Variants in ATF7IP2 observed in about 807,000 individuals in gnomAD.
The protein encoded by ATF7IP2 is activating transcription factor 7 interacting protein 2.
In ATF7IP2, 42 loss-of-function variants were observed where a neutral mutation model predicts 64.2. The ratio of observed to expected loss-of-function variants is 0.65; its 90% CI spans 0.51 to 0.85. The LOEUF is 0.85. Ranked by LOEUF, ATF7IP2 falls within the 40% of genes least tolerant of loss-of-function variation. The probability of loss-of-function intolerance (pLI) is 0.00; values close to 1 mark genes in which losing one functional copy is unlikely to be tolerated. For missense variants in ATF7IP2, 933 were observed against 784.2 expected (o/e 1.19, Z -2.27); for synonymous variants, 308 against 272.8 (o/e 1.13, Z -1.27).
At chr16:10,460,101 A>G (rs1324321884) in intron 9 of ATF7IP2, among the ~76,000 whole-genome samples, 1 of 152,204 alleles carries the variant, frequency 6.6e-6, no homozygotes, top group East Asian at 1.9e-4. Flanking sequence ...CAAATATCTA[A>G]GAAATCTTTC....
intron 8 of ATF7IP2, chr16:10,449,896 A>G (rs1037022428): frequency 6.6e-6 from 1 of 151,826 alleles, no homozygotes; most frequent in African/African-American, 2.4e-5. Context: ...ATGCTTCTCT[A>G]CTTCTTTTAA....
At chr16:10,432,976 G>A (rs766283842) in intron 5 of ATF7IP2, among the ~76,000 whole-genome samples, 1 of 152,082 alleles carries the variant, frequency 6.6e-6, no homozygotes, top group Non-Finnish European at 1.5e-5. Context: ...GTTTTTGTTC[G>A]TATATGTGTA....
chr16:10,458,591 G>C (rs1324898823), intron 9 of ATF7IP2, among the ~76,000 whole-genome samples: 1 of 152,180 alleles, frequency 6.6e-6, no homozygotes, highest in Non-Finnish European at 1.5e-5. Flanking sequence ...TGTGTAACTT[G>C]ATTCTGATGG....
intron 1 of ATF7IP2, among the ~76,000 whole-genome samples, chr16:10,405,131 G>A (rs2047610564): frequency 6.6e-6 from 1 of 151,964 alleles, no homozygotes; most frequent in Non-Finnish European, 1.5e-5. Context: ...GGGAGGCTGA[G>A]ATGGATGGAT....
rs773572529 is a variant in ATF7IP2, at chr16:10,430,890, A to G, written c.270A>G (p.Val90=). ...NKNSISEKSK[V]FSQNCIKPVE... ...ATTCAATATCAGAGAAAAGTAAAGT[A>G]TTCTCTCAGAATTGCATAAAACCAG... Residue 90 remains valine, a synonymous_variant, in exon 5 of 14, where the codon GTA becomes GTG. Transcript: ENST00000562102. 3.7e-6 allele frequency: 6 copies of G among 1,613,538 alleles called. No homozygotes were observed. The East Asian group carries it at 6.7e-5, about 18-fold the overall frequency.
intron 12 of ATF7IP2, among the ~76,000 whole-genome samples, chr16:10,480,192 G>T (rs2050171471): frequency 6.6e-6 from 1 of 151,440 alleles, no homozygotes. Context: ...CTACCATGTT[G>T]CCCAGGCTGA....
At chr16:10,470,774 G>C (rs975521954) in intron 9 of ATF7IP2, among the ~76,000 whole-genome samples, 2 of 150,824 alleles carry the variant, frequency 1.3e-5, no homozygotes, top group Admixed American at 6.6e-5. Flanking sequence ...CAGAGCACGA[G>C]TCTGTCTCTT....
intron 1 of ATF7IP2, among the ~76,000 whole-genome samples, chr16:10,413,580 AC>A (rs2047814335): frequency 6.6e-6 from 1 of 151,860 alleles, no homozygotes; most frequent in Admixed American, 6.6e-5. Context: ...TTGCCTTTAT[AC>A]CTTGGTTTTT....
At chr16:10,405,838 C>A (rs977979550) in intron 1 of ATF7IP2, among the ~76,000 whole-genome samples, 27 of 152,172 alleles carry the variant, frequency 1.8e-4, no homozygotes, top group African/African-American at 6.3e-4. Context: ...TGTCCTTAAC[C>A]CTTGACTTTC....
chr16:10,430,798 A>G lies in ATF7IP2; in HGVS notation c.178A>G (p.Arg60Gly). The G allele has an allele frequency of 4.5e-6, 7 of 1,558,610 alleles. No individual in the cohort carries two copies. The highest frequency in any genetic ancestry group is 6.1e-6 in the Non-Finnish European group (7 of 1,154,652). ...NQSFSPSVIT[R>G]TTEITKCSPS... ...GAGTTTCAGTCCTAGTGTCATAACT[A>G]GGACGACTGAAATAACCAAATGTAG... The change falls in exon 5 of 14, where the codon AGG (arginine) becomes GGG (glycine). Residue 60 changes from arginine (R) to glycine (G), a missense_variant. By Grantham distance (125) the Arg-to-Gly change is moderately radical. Coordinates refer to ENST00000562102, the MANE Select transcript of ATF7IP2 (RefSeq NM_001393719.1).
chr16:10,447,361 T>A (rs1202395104), intron 8 of ATF7IP2: 1 of 152,198 alleles, frequency 6.6e-6, no homozygotes, highest in African/African-American at 2.4e-5. Flanking sequence ...ACCAAGTCAG[T>A]GGGATGCATC....
At chr16:10,476,329 T>C (rs932396199) in intron 12 of ATF7IP2, among the ~76,000 whole-genome samples, 4 of 152,202 alleles carry the variant, frequency 2.6e-5, no homozygotes, top group African/African-American at 9.7e-5. Context: ...GAAATTTCAT[T>C]TGGAGGATTC....
intron 7 of ATF7IP2, among the ~76,000 whole-genome samples, chr16:10,439,298 C>T (rs1430995195): frequency 1.3e-5 from 2 of 151,766 alleles, no homozygotes; most frequent in South Asian, 2.1e-4. Flanking sequence ...GGCGCGATCT[C>T]GGCTCACTGC....
chr16:10,410,510 T>C (rs2047737948), intron 1 of ATF7IP2, among the ~76,000 whole-genome samples: 1 of 152,206 alleles, frequency 6.6e-6, no homozygotes, highest in Non-Finnish European at 1.5e-5. Context: ...ATTCTTTTGT[T>C]AGTTTGGGAG....
chr16:10,472,855 C>CA (rs71133355), intron 10 of ATF7IP2, among the ~76,000 whole-genome samples: 28,589 of 98,836 alleles, frequency 0.29, 3,882 homozygotes, highest in African/African-American at 0.43. Flanking sequence ...GACTCCGTCT[C>CA]AAAAAAAAAA....
At chr16:10,435,105 T>C (rs908542144) in intron 6 of ATF7IP2, among the ~76,000 whole-genome samples, 1 of 152,200 alleles carries the variant, frequency 6.6e-6, no homozygotes, top group Admixed American at 6.5e-5. Flanking sequence ...CATCTCTAAA[T>C]AGCTAGCTTT....
chr16:10,426,604 A>G (rs2048090406), intron 3 of ATF7IP2, among the ~76,000 whole-genome samples: 1 of 152,200 alleles, frequency 6.6e-6, no homozygotes, highest in Non-Finnish European at 1.5e-5. Context: ...TTGCACAGCC[A>G]TGGTATAGCA....
intron 1 of ATF7IP2, among the ~76,000 whole-genome samples, chr16:10,405,083 C>T (rs2047609367): frequency 1.3e-5 from 2 of 152,034 alleles, no homozygotes; most frequent in African/African-American, 4.8e-5. Flanking sequence ...CAATATTTGG[C>T]TGGGTGCCGT....
At position 10,431,220 on chromosome 16, in the gene ATF7IP2, T is replaced by C; in HGVS notation, c.600T>C (p.His200=). 6.2e-7 allele frequency: 1 copy of C among 1,614,208 alleles called. No individual in the cohort carries two copies. The part of the protein sequence containing the change: ...GDKKTDQMVF[H]LETNSNSESH... ...AGAAAACTGACCAGATGGTTTTCCA[T>C]TTAGAAACAAACTCCAATTCAGAAT... The change falls in exon 5 of 14, where the codon CAT becomes CAC. Residue 200 remains histidine, a synonymous_variant. Coordinates refer to ENST00000562102, the MANE Select transcript of ATF7IP2 (RefSeq NM_001393719.1).
Sources: gnomAD v4.1 joint callset for allele counts (sites outside exome capture counted in the v4.1 genomes callset) on GRCh38, gnomAD v4.1.1 for gene constraint, MANE v1.5 for transcripts, NCBI Gene and HGNC (gene_info 2026-07-23, HGNC 2026-07-21) for gene names.